KAZN: variants seen among roughly 807,000 people sequenced by gnomAD.
The protein encoded by KAZN is kazrin.
Under a neutral mutation model 87.4 loss-of-function variants are expected in KAZN, and 40 were observed. The observed-to-expected ratio is 0.46, with a 90% CI of 0.36 to 0.60. The LOEUF (loss-of-function observed/expected upper bound fraction) is 0.60, where lower values mean the gene tolerates loss of function less well. Among genes scored for constraint, KAZN ranks in the 20% least tolerant of loss-of-function variants. The pLI is 0.00. For synonymous variants in KAZN, 466 were observed against 458.3 expected, an observed-to-expected ratio of 1.02 and a Z score of -0.22; for missense variants, 898 against 1,073.9, an observed-to-expected ratio of 0.84 and a Z score of 2.29.
chr1:14,146,304 G>A (rs191683409), intron 1 of KAZN, among the ~76,000 whole-genome samples: 255 of 152,042 alleles, frequency 1.7e-3, no homozygotes, highest in African/African-American at 5.9e-3. Flanking sequence ...GGAGGCCGAG[G>A]CAGGTGGATC....
At chr1:14,365,049 CT>C (rs767980402) in intron 2 of KAZN, among the ~76,000 whole-genome samples, 113 of 144,016 alleles carry the variant, frequency 7.8e-4, no homozygotes, top group South Asian at 1.1e-3. Flanking sequence ...GGCCCCCTCT[CT>C]TTTTTTTTTT....
At chr1:14,071,071 G>A (rs543870086) in intron 1 of KAZN, among the ~76,000 whole-genome samples, 4 of 152,142 alleles carry the variant, frequency 2.6e-5, no homozygotes, top group Non-Finnish European at 4.4e-5. Context: ...ACCCATGGGC[G>A]AAACCCAGGG....
chr1:14,064,504 C>T (rs1481106535), intron 1 of KAZN, among the ~76,000 whole-genome samples: 1 of 152,236 alleles, frequency 6.6e-6, no homozygotes, highest in African/African-American at 2.4e-5. Context: ...GAGGGGCTCA[C>T]TAAGCTGAAC....
At chr1:14,010,787 A>T (rs937757231) in intron 1 of KAZN, among the ~76,000 whole-genome samples, 29 of 152,220 alleles carry the variant, frequency 1.9e-4, no homozygotes, top group African/African-American at 6.8e-4. Flanking sequence ...CATAAGAGAA[A>T]GCCTGACAGC....
In KAZN at chr1:13,962,371, G is replaced by T. The variant is rs549939292; in HGVS notation, c.91+68615G>T. ...GCTGATTTTGGCCTTGAGGATGAAGGCAACACCTTCTCAGAATGCTGAGCA... is the reference window on the plus strand; with the variant it reads ...GCTGATTTTGGCCTTGAGGATGAAGTCAACACCTTCTCAGAATGCTGAGCA... On this transcript the variant is annotated intron_variant, in intron 1 of 16. Transcript: ENST00000636203. Among the ~76,000 whole-genome samples, 101 of 151,766 alleles carry T rather than the reference G, an allele frequency of 6.7e-4. 1 individual carries two copies. The highest frequency in any genetic ancestry group is 1.3e-3 in the Non-Finnish European group (90 of 67,934).
intron 1 of KAZN, among the ~76,000 whole-genome samples, chr1:14,957,904 G>A (rs748445725): frequency 9.2e-5 from 14 of 152,342 alleles, no homozygotes; most frequent in African/African-American, 2.9e-4. Flanking sequence ...GGAAGGACTC[G>A]GGTTAGGAGG....
intron 1 of KAZN, among the ~76,000 whole-genome samples, chr1:14,630,330 C>G (rs1206892112): frequency 6.6e-6 from 1 of 152,134 alleles, no homozygotes; most frequent in Non-Finnish European, 1.5e-5. Flanking sequence ...GGGAATTTAA[C>G]TCTTGAGCTG....
chr1:14,362,779 T>C (rs1340754237), intron 2 of KAZN, among the ~76,000 whole-genome samples: 1 of 152,160 alleles, frequency 6.6e-6, no homozygotes, highest in Non-Finnish European at 1.5e-5. Context: ...AGCAAGAAAA[T>C]AGCAAATCTA....
At chr1:14,459,260 C>CGTCTGTGT (rs1553175311) in intron 2 of KAZN, among the ~76,000 whole-genome samples, 4 of 118,030 alleles carry the variant, frequency 3.4e-5, no homozygotes, top group African/African-American at 1.2e-4. Context: ...TGTGTGTGCG[C>CGTCTGTGT]GTGTGTGTGT....
intron 2 of KAZN, among the ~76,000 whole-genome samples, chr1:14,473,829 G>A (rs1366062055): frequency 6.6e-6 from 1 of 151,982 alleles, no homozygotes; most frequent in Non-Finnish European, 1.5e-5. Context: ...TGCAAGTGTT[G>A]TTTCCTCTGT....
At chr1:14,531,838 T>A (rs192391628) in intron 2 of KAZN, among the ~76,000 whole-genome samples, 123 of 152,272 alleles carry the variant, frequency 8.1e-4, no homozygotes, top group African/African-American at 2.9e-3. Context: ...TCCACGTATA[T>A]TTTTTTCCTT....
At chr1:14,498,697 A>T (rs992959498) in intron 2 of KAZN, among the ~76,000 whole-genome samples, 1 of 151,836 alleles carries the variant, frequency 6.6e-6, no homozygotes, top group African/African-American at 2.4e-5. Flanking sequence ...GTCTCAAAAT[A>T]AAAAAAATAA....
chr1:14,782,825 T>TC (rs1317377504), intron 1 of KAZN, among the ~76,000 whole-genome samples: 2 of 152,098 alleles, frequency 1.3e-5, no homozygotes, highest in East Asian at 3.9e-4. Context: ...GGTAGAGGCA[T>TC]CCCCCCAACC....
Position 14,735,113 on chromosome 1 carries a change from G to A in KAZN, c.226+135890G>A, listed in dbSNP as rs889027227. ...CTCGCTCTTTCGCCCAGGCCGGACT[G>A]TAGTGGCGCTATCTCGGCTCACTGC... is the stretch of plus-strand genomic sequence containing the variant. On this transcript the variant is annotated intron_variant, in intron 1 of 14. Coordinates refer to ENST00000376030, the MANE Select transcript of KAZN (RefSeq NM_201628.3). This position sits in a 1 kb window ranked among gnomAD's most constrained non-coding sequence, Gnocchi z 4.3. 7.2e-5 allele frequency among the ~76,000 whole-genome samples: 11 copies of A among 152,198 alleles called. No homozygotes were observed. Among genetic ancestry groups the A allele is most frequent in the African/African-American group, 2.7e-4 (11 of 41,444 alleles).
intron 3 of KAZN, among the ~76,000 whole-genome samples, chr1:15,043,248 C>G (rs957946230): frequency 1.3e-4 from 20 of 152,182 alleles, no homozygotes; most frequent in Non-Finnish European, 4.4e-5. Flanking sequence ...TACTGTTGAC[C>G]CTGTTTCCCT....
intron 1 of KAZN, among the ~76,000 whole-genome samples, chr1:14,708,823 A>G (rs1642343878): frequency 6.6e-6 from 1 of 152,234 alleles, no homozygotes; most frequent in Admixed American, 6.5e-5. Flanking sequence ...GTTGGGTTAT[A>G]TGCAGACTGT....
At chr1:14,900,154 A>T (rs1655699836) in intron 1 of KAZN, among the ~76,000 whole-genome samples, 1 of 152,102 alleles carries the variant, frequency 6.6e-6, no homozygotes. Context: ...GTTTGTGAAG[A>T]TGGGGTAGCT....
chr1:14,048,442 C>T (rs1439593994), intron 1 of KAZN, among the ~76,000 whole-genome samples: 3 of 149,854 alleles, frequency 2.0e-5, no homozygotes, highest in Non-Finnish European at 4.4e-5. Context: ...CTTGCTCTGT[C>T]ACCCAGGCTG....
At chr1:14,900,601 A>T (rs1655759329) in intron 1 of KAZN, among the ~76,000 whole-genome samples, 1 of 151,972 alleles carries the variant, frequency 6.6e-6, no homozygotes, top group Admixed American at 6.6e-5. Flanking sequence ...AAAAATAGAA[A>T]AAATTAGCCA....
Sources: gnomAD v4.1 joint callset for allele counts (sites outside exome capture counted in the v4.1 genomes callset) on GRCh38, gnomAD v4.1.1 for gene constraint, Gnocchi (gnomAD v3.1) non-coding constraint, MANE v1.5 for transcripts, NCBI Gene and HGNC (gene_info 2026-07-23, HGNC 2026-07-21) for gene names.